ARHGAP24: variants seen among roughly 807,000 people sequenced by gnomAD.
ARHGAP24 encodes Rho GTPase activating protein 24.
In ARHGAP24, 50 loss-of-function variants were observed where a neutral mutation model predicts 76.4. The observed-to-expected ratio is 0.65, with a 90% confidence interval of 0.52 to 0.83. The LOEUF is 0.83. ARHGAP24 is among the 40% of genes least tolerant of loss of function. ARHGAP24 has a pLI of 0.00. For synonymous variants in ARHGAP24, 345 were observed against 323.3 expected (o/e 1.07, Z -0.72); for missense variants, 930 against 914.2 (o/e 1.02, Z -0.22).
At chr4:85,710,414 G>T (rs1724482429) in intron 2 of ARHGAP24, among the ~76,000 whole-genome samples, 1 of 152,120 alleles carries the variant, frequency 6.6e-6, no homozygotes, top group South Asian at 2.1e-4. Context: ...TCTGGACATA[G>T]GAATAGGCAA....
chr4:85,956,452 G>C (rs1737906226), intron 5 of ARHGAP24, among the ~76,000 whole-genome samples: 1 of 152,132 alleles, frequency 6.6e-6, no homozygotes, highest in Non-Finnish European at 1.5e-5. Flanking sequence ...ATGGAGGTGG[G>C]CCGCTTCCAA....
At chr4:85,930,906 G>A (rs369750636) in intron 4 of ARHGAP24, 27 of 1,613,090 alleles carry the variant, frequency 1.7e-5, no homozygotes, top group African/African-American at 1.6e-4. Context: ...AGCCAAAACC[G>A]GGTTCAGAAC....
intron 3 of ARHGAP24, among the ~76,000 whole-genome samples, chr4:85,861,500 A>G (rs902534542): frequency 6.6e-6 from 1 of 152,060 alleles, no homozygotes; most frequent in Non-Finnish European, 1.5e-5. Flanking sequence ...TGCTTTGTAA[A>G]TTAGTACCTG....
rs952136110 is a variant in ARHGAP24, at chr4:85,994,834, G to A, written c.1180G>A (p.Ala394Thr). ...CAGCATGAACAATGGATCCCCCACA[G>A]CTCTATCAGGCAGCAAAACCAACAG... ...RSSMNNGSPT[A>T]LSGSKTNSPK... Residue 394 changes from alanine (A) to threonine (T), a missense_variant, in exon 9 of 10, where the codon GCT becomes ACT. Transcript: ENST00000395184. The A allele has an allele frequency of 1.4e-5, 22 of 1,614,010 alleles. No individual in the cohort carries two copies. Among genetic ancestry groups the A allele is most frequent in the Non-Finnish European group, 1.7e-5 (20 of 1,180,024 alleles).
At chr4:85,564,039 G>GT (rs1027475034) in intron 1 of ARHGAP24, among the ~76,000 whole-genome samples, 4 of 152,022 alleles carry the variant, frequency 2.6e-5, no homozygotes, top group African/African-American at 9.7e-5. Context: ...GCACAATCAG[G>GT]TTTTTTAGTA....
At chr4:85,692,956 G>A (rs1723724821) in intron 2 of ARHGAP24, among the ~76,000 whole-genome samples, 1 of 152,194 alleles carries the variant, frequency 6.6e-6, no homozygotes, top group Admixed American at 6.5e-5. Context: ...GTAAAGTTGA[G>A]TATAGTCAAT....
intron 1 of ARHGAP24, among the ~76,000 whole-genome samples, chr4:85,552,373 T>G (rs1398294926): frequency 1.3e-5 from 2 of 152,198 alleles, no homozygotes; most frequent in Non-Finnish European, 2.9e-5. Context: ...TTTGTTGAGC[T>G]GTGGTCTGAG....
intron 2 of ARHGAP24, among the ~76,000 whole-genome samples, chr4:85,704,881 A>G (rs1578156104): frequency 6.6e-6 from 1 of 152,226 alleles, no homozygotes; most frequent in East Asian, 1.9e-4. Context: ...AAGTAAGAAA[A>G]CATCATAAGG....
intron 1 of ARHGAP24, among the ~76,000 whole-genome samples, chr4:85,540,731 T>C (rs1203880650): frequency 6.6e-6 from 1 of 152,190 alleles, no homozygotes; most frequent in African/African-American, 2.4e-5. Context: ...TTCCCCACCA[T>C]AGACTAGTTT....
chr4:85,740,929 T>G (rs1342451639), intron 3 of ARHGAP24, among the ~76,000 whole-genome samples: 1 of 152,234 alleles, frequency 6.6e-6, no homozygotes, highest in Non-Finnish European at 1.5e-5. Context: ...TTTTGAGTAT[T>G]TATTCTGTTC....
At chr4:85,722,576 C>G (rs186031392) in intron 3 of ARHGAP24, 8 of 156,652 alleles carry the variant, frequency 5.1e-5, no homozygotes, top group Middle Eastern at 5.2e-4. Context: ...TTTGAAACAT[C>G]CTTTCGTTTT....
intron 2 of ARHGAP24, among the ~76,000 whole-genome samples, chr4:85,627,534 G>A (rs965534716): frequency 6.6e-6 from 1 of 152,164 alleles, no homozygotes; most frequent in African/African-American, 2.4e-5. Flanking sequence ...AGCCACTTGA[G>A]GAGGCAGTCT....
chr4:85,773,971 T>G (rs1727219769), intron 3 of ARHGAP24, among the ~76,000 whole-genome samples: 1 of 152,242 alleles, frequency 6.6e-6, no homozygotes, highest in African/African-American at 2.4e-5. Context: ...CTTTTTGTTT[T>G]AATGACTTTG....
intron 3 of ARHGAP24, among the ~76,000 whole-genome samples, chr4:85,874,832 AAAT>A (rs1291203446): frequency 3.3e-4 from 1 of 3,042 alleles, no homozygotes; most frequent in East Asian, 0.1. Flanking sequence ...TTTATATATA[AAAT>A]ATATTTTTAT....
chr4:85,903,870 A>C (rs1578368813), intron 3 of ARHGAP24, among the ~76,000 whole-genome samples: 1 of 152,324 alleles, frequency 6.6e-6, no homozygotes, highest in East Asian at 1.9e-4. Flanking sequence ...TTTGCAAAGA[A>C]AAGTTTCATA....
In ARHGAP24 at chr4:85,743,140, A is replaced by T. The variant is rs4693733; in HGVS notation, c.268+21168A>T. On this transcript the variant is annotated intron_variant, in intron 3 of 9. Coordinates refer to ENST00000395184, the MANE Select transcript of ARHGAP24 (RefSeq NM_001025616.3). ...CAGAAAGAAATTGAAAGCAAAGAGA[A>T]GACAGTGTTGTCAAATTATCATATA... 3.7e-3 allele frequency among the ~76,000 whole-genome samples: 562 copies of T among 152,222 alleles called. 16 individuals are homozygous for T. Among genetic ancestry groups the T allele is most frequent in the Admixed American group, 0.033 (507 of 15,282 alleles).
At position 85,930,904 on chromosome 4, in the gene ARHGAP24, C is replaced by A. The variant is rs554080042; in HGVS notation, c.391+7134C>A. 3.7e-5 allele frequency: 59 copies of A among 1,613,182 alleles called. 1 individual carries two copies. The East Asian group carries it at 5.8e-4, about 16-fold the overall frequency. On this transcript the variant is annotated intron_variant, in intron 4 of 9. Coordinates refer to ENST00000395184, the MANE Select transcript of ARHGAP24 (RefSeq NM_001025616.3). The stretch of plus-strand genomic sequence containing the variant: ...AGGCAGGTTTTAAAGGAAGCCAAAA[C>A]CGGGTTCAGAACTTCAGGCCTGTAC...
chr4:85,590,790 A>C (rs1190027215), intron 2 of ARHGAP24, among the ~76,000 whole-genome samples: 1 of 152,112 alleles, frequency 6.6e-6, no homozygotes, highest in Non-Finnish European at 1.5e-5. Context: ...CTTTCATCAA[A>C]ATTATTATTG....
chr4:85,682,934 T>G (rs978630840), intron 2 of ARHGAP24, among the ~76,000 whole-genome samples: 3 of 152,138 alleles, frequency 2.0e-5, no homozygotes, highest in Non-Finnish European at 4.4e-5. Context: ...GATTTGCTCA[T>G]GAATCTCCCA....
Sources: allele counts gnomAD v4.1 joint callset (sites outside exome capture counted in the v4.1 genomes callset), GRCh38; gene constraint gnomAD v4.1.1; transcripts MANE v1.5; gene names NCBI Gene and HGNC (gene_info 2026-07-23, HGNC 2026-07-21).